The following NWD1 variants were observed in gnomAD, a reference collection of about 807,000 sequenced individuals.
The protein encoded by NWD1 is NACHT domain- and WD repeat-containing protein 1.
NWD1 carries 129 observed loss-of-function variants against 135.1 expected under a neutral mutation model. The ratio of observed to expected loss-of-function variants is 0.96; its 90% CI spans 0.83 to 1.11. NWD1 has a LOEUF of 1.11. Ranked by LOEUF, NWD1 falls within the 50% of genes least tolerant of loss-of-function variation. NWD1 has a pLI of 0.00. For missense variants in NWD1, 1,740 were observed against 1,851.3 expected (o/e 0.94, Z 1.10); for synonymous variants, 773 against 786.0 (o/e 0.98, Z 0.28).
chr19:16,754,892 G>A (rs556004407), intron 6 of NWD1, among the ~76,000 whole-genome samples: 39 of 151,896 alleles, frequency 2.6e-4, no homozygotes, highest in African/African-American at 6.5e-4. Context: ...CCACCCATCC[G>A]TCATATCTAT....
At chr19:16,754,744 C>A (rs1185353258) in intron 6 of NWD1, among the ~76,000 whole-genome samples, 1 of 149,776 alleles carries the variant, frequency 6.7e-6, no homozygotes, top group African/African-American at 2.5e-5. Flanking sequence ...TCCTTCCATC[C>A]ATCATCTCTA....
At chr19:16,791,091 A>G (rs987156058) in intron 13 of NWD1, among the ~76,000 whole-genome samples, 1 of 151,856 alleles carries the variant, frequency 6.6e-6, no homozygotes, top group African/African-American at 2.4e-5. Flanking sequence ...AAAAATAGCC[A>G]GGCATGGTGG....
At chr19:16,767,540 G>A (rs764040948) in intron 10 of NWD1, among the ~76,000 whole-genome samples, 3 of 151,960 alleles carry the variant, frequency 2.0e-5, no homozygotes, top group Non-Finnish European at 2.9e-5. Flanking sequence ...GCTTGAACAC[G>A]GGCGGCAGAG....
Position 16,807,830 on chromosome 19 carries a change from C to T in NWD1, c.3981C>T (p.Ile1327=), listed in dbSNP as rs772805734. The part of the protein sequence containing the change: ...AYDNIVLVLD[I]TSGDPCPVID... Reference sequence around the variant, plus strand: ...ACAACATCGTCCTGGTGCTGGACATCACCTCCGGGGACCCCTGCCCGGTCA... The same window carrying T: ...ACAACATCGTCCTGGTGCTGGACATTACCTCCGGGGACCCCTGCCCGGTCA... The change falls in exon 18 of 19, where the codon ATC becomes ATT. Residue 1327 remains isoleucine (I), a synonymous_variant. Transcript: ENST00000524140. 1.6e-5 allele frequency: 26 copies of T among 1,614,060 alleles called. No homozygotes were observed. Among genetic ancestry groups the T allele is most frequent in the Non-Finnish European group, 2.1e-5 (25 of 1,180,038 alleles).
intron 10 of NWD1, among the ~76,000 whole-genome samples, chr19:16,765,474 C>T (rs891789276): frequency 6.6e-6 from 1 of 152,084 alleles, no homozygotes; most frequent in Non-Finnish European, 1.5e-5. Flanking sequence ...GCTAGGACCA[C>T]AGGTATGCAC....
rs969574779 is a variant in NWD1, at chr19:16,744,730, G to A, written c.496+12G>A. ...CTACCACCGGTCAGGTGAGGCCGCAGGGACTCCCCTCTGGAGACCCACAAG... is the reference window on the plus strand; with the variant it reads ...CTACCACCGGTCAGGTGAGGCCGCAAGGACTCCCCTCTGGAGACCCACAAG... On this transcript the variant is annotated intron_variant, in intron 5 of 18. Coordinates refer to ENST00000524140, the MANE Select transcript of NWD1 (RefSeq NM_001007525.5). 18 of 1,534,218 alleles carry A rather than the reference G, an allele frequency of 1.2e-5. No individual in the cohort carries two copies. Among genetic ancestry groups the A allele is most frequent in the Admixed American group, 7.8e-5 (4 of 50,968 alleles).
At chr19:16,776,114 G>A (rs1243795121) in intron 11 of NWD1, among the ~76,000 whole-genome samples, 2 of 152,186 alleles carry the variant, frequency 1.3e-5, no homozygotes, top group African/African-American at 4.8e-5. Context: ...GTCTGTCATG[G>A]CACAGGCATA....
chr19:16,725,481 T>A (rs1293602544), intron 2 of NWD1, among the ~76,000 whole-genome samples: 1 of 151,944 alleles, frequency 6.6e-6, no homozygotes, highest in Non-Finnish European at 1.5e-5. Flanking sequence ...CTGTATCACC[T>A]AACAACAAAC....
chr19:16,797,677 GA>G, intron 15 of NWD1, 54 bp from the exon 16 acceptor site: 1 of 1,522,204 alleles, frequency 6.6e-7, no homozygotes, highest in East Asian at 2.3e-5. Context: ...TGGAAGGAAT[GA>G]CCCTCAATCT....
At position 16,800,033 on chromosome 19, in the gene NWD1, C is replaced by T; in HGVS notation, c.3607C>T (p.His1203Tyr). ...SFKVWDLSDAHRSRVPAPFLD... is the reference protein window; with the variant it reads ...SFKVWDLSDAYRSRVPAPFLD... ...CAAGGTCTGGGATCTCAGCGATGCT[C>T]ATAGGTCCCGGGTGCCTGCACCATT... Residue 1203 changes from histidine (H) to tyrosine (Y), a missense_variant, in exon 17 of 19, where the codon CAT becomes TAT. Physicochemically the swap from His to Tyr is moderately conservative, Grantham distance 83. Transcript: ENST00000524140. 6.2e-7 allele frequency: 1 copy of T among 1,614,244 alleles called. No homozygotes were observed. Among genetic ancestry groups the T allele is most frequent in the Middle Eastern group, 1.6e-4 (1 of 6,062 alleles).
At chr19:16,751,165 C>T (rs985576649) in intron 6 of NWD1, among the ~76,000 whole-genome samples, 5 of 148,264 alleles carry the variant, frequency 3.4e-5, no homozygotes, top group Non-Finnish European at 7.4e-5. Flanking sequence ...TGGAGGTTGC[C>T]GTGAGCCGAG....
chr19:16,765,011 T>C (rs1236373777), intron 9 of NWD1, 23 bp from the exon 10 acceptor site: 1 of 1,613,002 alleles, frequency 6.2e-7, no homozygotes, highest in Admixed American at 1.7e-5. Context: ...ACTTCCCACA[T>C]CCTCCCCCCT....
chr19:16,749,929 C>T lies in NWD1; in HGVS notation c.1287C>T (p.Phe429=), dbSNP rs372894087. 1.9e-5 allele frequency: 30 copies of T among 1,613,562 alleles called. No homozygotes were observed. In the Middle Eastern group the frequency reaches 4.9e-4, roughly 27 times the overall value. ...TLLHTVSCRN[F]ESLVLLLDAM... is the part of the protein sequence containing the mutation. ...TCCACACTGTCTCTTGCAGAAACTT[C>T]GAGTCTCTCGTGCTCCTGCTGGATG... Residue 429 remains phenylalanine (F), a synonymous_variant, in exon 6 of 19, where the codon TTC becomes TTT. Coordinates refer to ENST00000524140, the MANE Select transcript of NWD1 (RefSeq NM_001007525.5).
chr19:16,780,312 T>A (rs562866996), intron 12 of NWD1, among the ~76,000 whole-genome samples: 1 of 151,796 alleles, frequency 6.6e-6, no homozygotes, highest in Non-Finnish European at 1.5e-5. Flanking sequence ...CCCGCCACCA[T>A]GCCTGGCTAA....
intron 3 of NWD1, among the ~76,000 whole-genome samples, chr19:16,734,380 C>G (rs976835856): frequency 6.6e-6 from 1 of 151,866 alleles, no homozygotes; most frequent in Admixed American, 6.6e-5. Flanking sequence ...AACCCCATCT[C>G]TACTAAAAAA....
At chr19:16,813,938 G>A (rs1299366222) in intron 18 of NWD1, among the ~76,000 whole-genome samples, 1 of 151,878 alleles carries the variant, frequency 6.6e-6, no homozygotes, top group East Asian at 1.9e-4. Context: ...GACTGCTTGA[G>A]GCCAGGAGTT....
Position 16,793,176 on chromosome 19 carries a change from C to T in NWD1, c.3214-1287C>T, listed in dbSNP as rs75837617. 1.5e-3 allele frequency among the ~76,000 whole-genome samples: 225 copies of T among 152,170 alleles called. 5 individuals are homozygous for T. The East Asian group carries it at 0.036, about 24-fold the overall frequency. ...GTTCTCAAGGTACCAAATACAACAA[C>T]GAAAGATACTCCCAAATCCTTGGGG... is the stretch of plus-strand genomic sequence containing the variant. On this transcript the variant is annotated intron_variant, in intron 14 of 18. Coordinates refer to ENST00000524140, the MANE Select transcript of NWD1 (RefSeq NM_001007525.5).
intron 3 of NWD1, among the ~76,000 whole-genome samples, chr19:16,734,555 CT>C (rs1315976486): frequency 7.7e-6 from 1 of 130,186 alleles, no homozygotes; most frequent in Non-Finnish European, 1.7e-5. Context: ...AAAAGATTTT[CT>C]TTCTTTTTTT....
intron 2 of NWD1, among the ~76,000 whole-genome samples, chr19:16,725,915 A>T (rs530421899): frequency 2.6e-4 from 39 of 151,308 alleles, no homozygotes; most frequent in African/African-American, 9.2e-4. Context: ...CTGGGACAAC[A>T]GGCAGGCACC....
Sources: gnomAD v4.1 joint callset for allele counts (sites outside exome capture counted in the v4.1 genomes callset) on GRCh38, gnomAD v4.1.1 for gene constraint, MANE v1.5 for transcripts, NCBI Gene and HGNC (gene_info 2026-07-23, HGNC 2026-07-21) for gene names.